Variants in NOTCH4 observed in about 807,000 individuals in gnomAD.
NOTCH4 encodes the protein notch receptor 4, also known as neurogenic locus notch homolog protein 4.
Under a neutral mutation model 189.0 loss-of-function variants are expected in NOTCH4, and 138 were observed. That is an observed-to-expected ratio of 0.73 (90% confidence interval 0.64 to 0.84). NOTCH4 has a LOEUF of 0.84. Among genes scored for constraint, NOTCH4 ranks in the 40% least tolerant of loss-of-function variants. The pLI is 0.00. For missense variants in NOTCH4, 2,286 were observed against 2,605.4 expected (o/e 0.88, Z 2.67); for synonymous variants, 942 against 1,032.8 (o/e 0.91, Z 1.69).
At chr6:32,196,516 C>A in intron 28 of NOTCH4, 95 bp from the exon 29 acceptor site, 4 of 1,476,220 alleles carry the variant, frequency 2.7e-6, no homozygotes, top group Non-Finnish European at 3.7e-6. Context: ...AAGGGCTATT[C>A]GGGCCGGCTG....
rs1042873866 is a variant in NOTCH4 at position 32,219,873 on chromosome 6, G to A, written c.1316-87C>T. 2.4e-5 allele frequency: 28 copies of A among 1,161,482 alleles called. No individual in the cohort carries two copies. The Admixed American group carries it at 5.3e-4, about 22-fold the overall frequency. 71.9% of individuals were successfully genotyped at this position (1,161,482 alleles called of 1,614,324 possible). A position where few individuals can be genotyped will look rare whatever the true frequency, so the allele number is the denominator to read the frequency against. ...ACTGTCAGGGAAGGTGTGGGGGCCT[G>A]CGTGTGGCAGACGAGACCAAATTGG... On this transcript the variant is annotated intron_variant, in intron 7 of 29. Coordinates refer to ENST00000375023, the MANE Select transcript of NOTCH4 (RefSeq NM_004557.4).
chr6:32,200,164 A>G lies in NOTCH4; in HGVS notation c.4315+667T>C, dbSNP rs1788247949. The stretch of plus-strand genomic sequence containing the variant: ...GTGGGGGAGGATTAAATGAGGTAAC[A>G]ATGTAAAATGCTTAGAGTAAGGCAC... On this transcript the variant is annotated intron_variant, in intron 23 of 29. Transcript: ENST00000375023. This position sits in a 1 kb window ranked among gnomAD's most constrained non-coding sequence, Gnocchi z 5.0. Among the ~76,000 whole-genome samples the G allele has an allele frequency of 2.6e-5, 4 of 152,158 alleles. No individual in the cohort carries two copies. Among genetic ancestry groups the G allele is most frequent in the Admixed American group, 2.6e-4 (4 of 15,280 alleles).
chr6:32,197,793 C>A (rs865794748), intron 26 of NOTCH4, among the ~76,000 whole-genome samples, 199 bp from the exon 27 acceptor site: 3 of 150,936 alleles, frequency 2.0e-5, no homozygotes, highest in Middle Eastern at 3.5e-3. Flanking sequence ...GCTTAATTCT[C>A]TGACATTCCA....
In NOTCH4 at chr6:32,221,219, G is replaced by A. The variant is rs2071281; in HGVS notation, c.558C>T (p.Phe186=). The A allele has an allele frequency of 2.5e-3, 4,089 of 1,613,036 alleles. 152 individuals carry two copies. The East Asian group carries it at 0.078, about 31-fold the overall frequency. Residue 186 remains phenylalanine (F), a synonymous_variant, in exon 4 of 30, where the codon TTC becomes TTT. Coordinates refer to ENST00000375023, the MANE Select transcript of NOTCH4 (RefSeq NM_004557.4). The surrounding 1 kb of genome is among the most constrained non-coding windows in gnomAD (Gnocchi z 4.3). ...CATCACGTTCACAGGCATGGCCCTC[G>A]AAGCCCGGTGGGCAGTGGCACTGGA... ...PQIQCHCPPG[F]EGHACERDVN... is the part of the protein sequence containing the mutation.
chr6:32,214,788 G>A (rs2127480312), intron 12 of NOTCH4, among the ~76,000 whole-genome samples: 1 of 152,112 alleles, frequency 6.6e-6, no homozygotes, highest in Non-Finnish European at 1.5e-5. Context: ...ACCATGCCCA[G>A]CTAATTTTTG....
At position 32,200,250 on chromosome 6, in the gene NOTCH4, G is replaced by A. The variant is rs1435804124; in HGVS notation, c.4315+581C>T. Reference sequence around the variant, plus strand: ...TTTTGAGATGGAGTCTCCCTCTGTCGCCCAGGCTGGAGTGCAGTGGCGCGA... The same window carrying A: ...TTTTGAGATGGAGTCTCCCTCTGTCACCCAGGCTGGAGTGCAGTGGCGCGA... On this transcript the variant is annotated intron_variant, in intron 23 of 29. Coordinates refer to ENST00000375023, the MANE Select transcript of NOTCH4 (RefSeq NM_004557.4). This position sits in a 1 kb window ranked among gnomAD's most constrained non-coding sequence, Gnocchi z 5.0. 3.4e-5 allele frequency among the ~76,000 whole-genome samples: 5 copies of A among 149,128 alleles called. No individual in the cohort carries two copies. Among genetic ancestry groups the A allele is most frequent in the Admixed American group, 6.8e-5 (1 of 14,780 alleles).
intron 18 of NOTCH4, among the ~76,000 whole-genome samples, chr6:32,207,240 T>C (rs1015113084): frequency 9.3e-5 from 14 of 151,324 alleles, no homozygotes; most frequent in African/African-American, 2.9e-4. Flanking sequence ...GCCAACTTAC[T>C]TTCAACAAAG....
rs1176174685 is a variant in NOTCH4 at position 32,199,013 on chromosome 6, A to G, written c.4448T>C (p.Leu1483Pro). The change falls in exon 24 of 30, where the codon CTG becomes CCG. Residue 1483 changes from leucine to proline, a missense_variant. By Grantham distance (98) the Leu-to-Pro change is moderately conservative. Coordinates refer to ENST00000375023, the MANE Select transcript of NOTCH4 (RefSeq NM_004557.4). This position sits in a 1 kb window ranked among gnomAD's most constrained non-coding sequence, Gnocchi z 4.9. ...AGGCCGTCGAGTGAAACCAGGGGGC[A>G]GCCAGAGAGCTCCATGCTCTCGGCG... ...RRRREHGALW[L>P]PPGFTRRPRT... 6.2e-7 allele frequency: 1 copy of G among 1,612,452 alleles called. No homozygotes were observed. Among genetic ancestry groups the G allele is most frequent in the Non-Finnish European group, 8.5e-7 (1 of 1,179,720 alleles).
chr6:32,215,094 G>T, intron 12 of NOTCH4, 132 bp downstream of exon 12: 1 of 830,036 alleles, frequency 1.2e-6, no homozygotes, highest in South Asian at 1.9e-5. Context: ...CTTGCCCTAA[G>T]AACTTTGCCA....
In NOTCH4 at chr6:32,197,424, G is replaced by A. The variant is rs148746475; in HGVS notation, c.4927C>T (p.Arg1643Ter). 474 of 1,547,108 alleles carry A rather than the reference G, an allele frequency of 3.1e-4. No homozygotes were observed. Among genetic ancestry groups the A allele is most frequent in the Non-Finnish European group, 3.9e-4 (448 of 1,147,326 alleles). ...TGETPLHLAA[R>*]FSRPTAARRL... ...CGGGCAGCGGTTGGCCGGGAGAATC[G>A]GGCAGCCAGGTGCAGGGGGGTCTCC... The change falls in exon 27 of 30, where the codon CGA becomes TGA. Residue 1643 changes from arginine to a stop codon, truncating the protein, a stop_gained. Transcript: ENST00000375023. LOFTEE classifies it high-confidence loss of function.
chr6:32,216,595 C>T (rs1789425678), intron 11 of NOTCH4: 1 of 410,208 alleles, frequency 2.4e-6, no homozygotes, highest in African/African-American at 2.0e-5. Flanking sequence ...GACTTAAAGT[C>T]ACATGAAGAT....
chr6:32,216,195 T>C (rs1354038652), intron 11 of NOTCH4: 1 of 151,542 alleles, frequency 6.6e-6, no homozygotes, highest in Non-Finnish European at 1.5e-5. Context: ...CCCAGTTATT[T>C]TTTTGTATTT....
At chr6:32,208,575 A>G (rs1788835071) in intron 18 of NOTCH4, among the ~76,000 whole-genome samples, 1 of 152,190 alleles carries the variant, frequency 6.6e-6, no homozygotes, top group Non-Finnish European at 1.5e-5. Context: ...TCTACTAAAA[A>G]TACAAAAAAT....
chr6:32,198,995 C>T lies in NOTCH4; in HGVS notation c.4466G>A (p.Arg1489Gln), dbSNP rs753820483. ...GALWLPPGFT[R>Q]RPRTQSAPHR... ...GGGAGCTGACTGAGTCCGAGGCCGT[C>T]GAGTGAAACCAGGGGGCAGCCAGAG... Residue 1489 changes from arginine (R) to glutamine (Q), a missense_variant, in exon 24 of 30, where the codon CGA becomes CAA. Around this residue, in one of 2 missense-constraint regions of NOTCH4, gnomAD observed 1,903 missense variants for 2,261.9 expected, o/e 0.84. Transcript: ENST00000375023. This position sits in a 1 kb window ranked among gnomAD's most constrained non-coding sequence, Gnocchi z 5.5. The T allele has an allele frequency of 1.4e-5, 22 of 1,611,548 alleles. No individual in the cohort carries two copies. Among genetic ancestry groups the T allele is most frequent in the South Asian group, 6.6e-5 (6 of 90,870 alleles).
At chr6:32,216,630 C>T (rs915633386) in intron 11 of NOTCH4, 6 of 487,028 alleles carry the variant, frequency 1.2e-5, no homozygotes, top group African/African-American at 7.8e-5. Flanking sequence ...TCAGATTTGC[C>T]TCCGTATCTG....
chr6:32,197,030 C>T lies in NOTCH4; in HGVS notation c.5095G>A (p.Glu1699Lys). The change falls in exon 28 of 30, where the codon GAG becomes AAG. Residue 1699 changes from glutamate (E) to lysine (K), a missense_variant. Physicochemically the swap from Glu to Lys is moderately conservative, Grantham distance 56. This residue lies in a region of NOTCH4 where 1,903 missense variants were observed against 2,261.9 expected (regional missense o/e 0.84). Coordinates refer to ENST00000375023, the MANE Select transcript of NOTCH4 (RefSeq NM_004557.4). ...SRQTAVDART[E>K]DGTTPLMLAA... Reference sequence around the variant, plus strand: ...AGCATCAAGGGTGTGGTCCCGTCCTCTGTGCGAGCGTCCACTGCAGTTTGT... The same window carrying T: ...AGCATCAAGGGTGTGGTCCCGTCCTTTGTGCGAGCGTCCACTGCAGTTTGT... 1 of 1,612,972 alleles carries T rather than the reference C, an allele frequency of 6.2e-7. No homozygotes were observed. Among genetic ancestry groups the T allele is most frequent in the East Asian group, 2.2e-5 (1 of 44,884 alleles).
chr6:32,216,817 A>G, intron 11 of NOTCH4, 128 bp downstream of exon 11: 2 of 1,171,904 alleles, frequency 1.7e-6, no homozygotes, highest in Admixed American at 1.7e-5. Context: ...TACACTAAAT[A>G]ACTTTAAAGG....
Position 32,212,335 on chromosome 6 carries a change from A to C in NOTCH4, c.2680+139T>G. Reference sequence around the variant, plus strand: ...GCACAATTCAACACCTCTGCAATCAAGAACTGATTTGTCTGTGTGGTTTTG... The same window carrying C: ...GCACAATTCAACACCTCTGCAATCACGAACTGATTTGTCTGTGTGGTTTTG... On this transcript the variant is annotated intron_variant, in intron 17 of 29. Coordinates refer to ENST00000375023, the MANE Select transcript of NOTCH4 (RefSeq NM_004557.4). This position sits in a 1 kb window ranked among gnomAD's most constrained non-coding sequence, Gnocchi z 4.4. The C allele has an allele frequency of 1.3e-6, 1 of 767,442 alleles. No homozygotes were observed. The highest frequency in any genetic ancestry group is 2.1e-6 in the Non-Finnish European group (1 of 472,266). 47.5% of individuals were successfully genotyped at this position (767,442 alleles called of 1,614,324 possible). A position where few individuals can be genotyped will look rare whatever the true frequency, so the allele number is the denominator to read the frequency against.
rs1788350231 is a variant in NOTCH4, at chr6:32,201,466, G to GGAA, written c.3787_3789dup (p.Phe1263dup). 6.6e-7 allele frequency: 1 copy of GGAA among 1,526,394 alleles called. No homozygotes were observed. The highest frequency in any genetic ancestry group is 2.1e-5 in the Admixed American group (1 of 46,824). The allele number at this position is 1,526,394 out of a possible 1,614,324, so 94.6% of individuals were successfully genotyped here. A position where few individuals can be genotyped will look rare whatever the true frequency, so the allele number is the denominator to read the frequency against. On this transcript the variant is annotated inframe_insertion, in exon 22 of 30. Coordinates refer to ENST00000375023, the MANE Select transcript of NOTCH4 (RefSeq NM_004557.4). This position sits in a 1 kb window ranked among gnomAD's most constrained non-coding sequence, Gnocchi z 5.5. ...CAGCCTTTCTCACAGTGCCCGTTGTGGAAGTGATCATGGCAGTACTGGTCA... is the reference window on the plus strand; with the variant it reads ...CAGCCTTTCTCACAGTGCCCGTTGTGGAAGAAGTGATCATGGCAGTACTGGTCA...
Sources: allele counts gnomAD v4.1 joint callset (sites outside exome capture counted in the v4.1 genomes callset), GRCh38; gene constraint gnomAD v4.1.1; regional missense constraint gnomAD v4.1.1; non-coding constraint Gnocchi (gnomAD v3.1); transcripts MANE v1.5; gene names NCBI Gene and HGNC (gene_info 2026-07-23, HGNC 2026-07-21).